The following CLMN variants were observed in gnomAD, a reference collection of about 807,000 sequenced individuals.
The protein encoded by CLMN is calmin (calponin-like, transmembrane).
In CLMN, 57 loss-of-function variants were observed where a neutral mutation model predicts 92.7. The observed-to-expected ratio is 0.61, with a 90% confidence interval of 0.50 to 0.77. The LOEUF (loss-of-function observed/expected upper bound fraction) is 0.77, where lower values mean the gene tolerates loss of function less well. Among genes scored for constraint, CLMN ranks in the 30% least tolerant of loss-of-function variants. The pLI, the probability that CLMN is intolerant of heterozygous loss-of-function variation, is 0.00. For missense variants in CLMN, 1,158 were observed against 1,237.5 expected, an observed-to-expected ratio of 0.94 and a Z score of 0.96; for synonymous variants, 466 against 470.6, an observed-to-expected ratio of 0.99 and a Z score of 0.13.
chr14:95,279,143 T>C (rs926038140), intron 1 of CLMN, among the ~76,000 whole-genome samples: 2 of 152,224 alleles, frequency 1.3e-5, no homozygotes, highest in Non-Finnish European at 2.9e-5. Flanking sequence ...TTAAATCAAA[T>C]ATTTTGTCAG....
chr14:95,268,168 A>C (rs952268760), intron 1 of CLMN, among the ~76,000 whole-genome samples: 2 of 152,160 alleles, frequency 1.3e-5, no homozygotes, highest in African/African-American at 4.8e-5. Context: ...GAAGAGAAAA[A>C]TTTGAAGCAC....
intron 2 of CLMN, among the ~76,000 whole-genome samples, chr14:95,226,986 C>T (rs1050401321): frequency 6.6e-6 from 1 of 152,210 alleles, no homozygotes; most frequent in African/African-American, 2.4e-5. Context: ...GCTGTCTCTG[C>T]TCCTGGGTAC....
intron 8 of CLMN, among the ~76,000 whole-genome samples, chr14:95,206,609 C>T (rs928490483): frequency 6.6e-6 from 1 of 152,326 alleles, no homozygotes; most frequent in Middle Eastern, 3.4e-3. Context: ...CAGTTCACTG[C>T]GTGTCTGGAT....
intron 6 of CLMN, 55 bp downstream of exon 6, chr14:95,213,164 T>C (rs1897245047): frequency 6.4e-7 from 1 of 1,557,686 alleles, no homozygotes; most frequent in Non-Finnish European, 8.8e-7. Flanking sequence ...TCCTTTCCTC[T>C]GCCTGAAAGC....
intron 9 of CLMN, 67 bp downstream of exon 9, chr14:95,202,771 C>A: frequency 6.9e-7 from 1 of 1,454,642 alleles, no homozygotes; most frequent in Non-Finnish European, 9.2e-7. Context: ...AGAAGCTGAG[C>A]TTCAGACAAA....
At chr14:95,311,510 C>G (rs532188179) in intron 1 of CLMN, among the ~76,000 whole-genome samples, 1 of 152,148 alleles carries the variant, frequency 6.6e-6, no homozygotes, top group African/African-American at 2.4e-5. Context: ...CAAATCCTAA[C>G]AACCCCAGGG....
intron 1 of CLMN, among the ~76,000 whole-genome samples, chr14:95,241,554 T>G (rs1304120891): frequency 5.9e-5 from 9 of 152,218 alleles, no homozygotes; most frequent in Non-Finnish European, 8.8e-5. Context: ...CTGAAGTTTC[T>G]ACCCTGAGCA....
At chr14:95,208,846 C>G (rs1185929141) in intron 8 of CLMN, among the ~76,000 whole-genome samples, 1 of 152,194 alleles carries the variant, frequency 6.6e-6, no homozygotes, top group Non-Finnish European at 1.5e-5. Flanking sequence ...CCTGCTCTGT[C>G]CTGCCTGGGA....
At chr14:95,289,303 C>T (rs896518059) in intron 1 of CLMN, among the ~76,000 whole-genome samples, 1 of 151,992 alleles carries the variant, frequency 6.6e-6, no homozygotes, top group African/African-American at 2.4e-5. Context: ...CCAGCCTGGG[C>T]AACATGGTGA....
chr14:95,213,944 G>A (rs1042815871), intron 5 of CLMN, among the ~76,000 whole-genome samples: 8 of 152,028 alleles, frequency 5.3e-5, no homozygotes, highest in Middle Eastern at 3.2e-3. Flanking sequence ...AGTAGGTTAC[G>A]TCTAACTTAG....
At chr14:95,193,773 A>AGTG in intron 12 of CLMN, 76 bp downstream of exon 12, 23 of 1,553,188 alleles carry the variant, frequency 1.5e-5, no homozygotes, top group Non-Finnish European at 1.8e-5. Flanking sequence ...GAGAATAACC[A>AGTG]CCCCTGTAAG....
chr14:95,297,769 G>A (rs183560556), intron 1 of CLMN, among the ~76,000 whole-genome samples: 102 of 151,460 alleles, frequency 6.7e-4, no homozygotes, highest in Admixed American at 1.1e-3. Context: ...GTACAGGGAC[G>A]TTTGGACTGT....
chr14:95,272,624 G>GT (rs1899757794), intron 1 of CLMN, among the ~76,000 whole-genome samples: 1 of 152,218 alleles, frequency 6.6e-6, no homozygotes, highest in Admixed American at 6.5e-5. Flanking sequence ...GCCATATGTT[G>GT]TGAGTGCTTC....
chr14:95,315,189 G>C (rs942380506), intron 1 of CLMN, among the ~76,000 whole-genome samples: 5 of 152,216 alleles, frequency 3.3e-5, no homozygotes, highest in Non-Finnish European at 7.3e-5. Flanking sequence ...GGGAGAGAAG[G>C]TTGGTGTGGC....
intron 1 of CLMN, among the ~76,000 whole-genome samples, chr14:95,246,370 G>A (rs1898570893): frequency 6.6e-6 from 1 of 152,188 alleles, no homozygotes; most frequent in Admixed American, 6.5e-5. Flanking sequence ...AAAGGTTCTT[G>A]TCCATCTTTC....
chr14:95,191,050 A>G lies in CLMN; in HGVS notation c.*514T>C, dbSNP rs1383524870. On this transcript the variant is annotated 3_prime_UTR_variant, in exon 13 of 13. Coordinates refer to ENST00000298912, the MANE Select transcript of CLMN (RefSeq NM_024734.4). The surrounding 1 kb of genome is among the most constrained non-coding windows in gnomAD (Gnocchi z 5.3). Reference sequence around the variant, plus strand: ...TTTCCCCTAGTGAATGCAACCAGTTACCGGACTGCGACAGGTGCATGGACC... The same window carrying G: ...TTTCCCCTAGTGAATGCAACCAGTTGCCGGACTGCGACAGGTGCATGGACC... 6.6e-6 allele frequency: 1 copy of G among 152,376 alleles called. No individual in the cohort carries two copies. The highest frequency in any genetic ancestry group is 2.4e-5 in the African/African-American group (1 of 41,448). The allele number at this position is 152,376 out of a possible 1,614,324, so 9.4% of individuals were successfully genotyped here. A position where few individuals can be genotyped will look rare whatever the true frequency, so the allele number is the denominator to read the frequency against.
chr14:95,230,251 G>T lies in CLMN; in HGVS notation c.83-118C>A. ...CAGACAGAACCCCAGGGTGTCCCATGTAAGAACAGAGGCCTTTCTGGAAGG... is the reference window on the plus strand; with the variant it reads ...CAGACAGAACCCCAGGGTGTCCCATTTAAGAACAGAGGCCTTTCTGGAAGG... On this transcript the variant is annotated intron_variant, in intron 1 of 12. Transcript: ENST00000298912. The T allele has an allele frequency of 3.2e-6, 3 of 926,602 alleles. No homozygotes were observed. The South Asian group carries it at 4.1e-5, about 13-fold the overall frequency. 57.4% of individuals were successfully genotyped at this position (926,602 alleles called of 1,614,324 possible).
At chr14:95,316,830 C>A (rs965546314) in intron 1 of CLMN, among the ~76,000 whole-genome samples, 1 of 152,196 alleles carries the variant, frequency 6.6e-6, no homozygotes. Context: ...CCAAGAGAGT[C>A]AAAGCTTTCT....
chr14:95,263,941 C>T (rs1316186148), intron 1 of CLMN, among the ~76,000 whole-genome samples: 5 of 152,112 alleles, frequency 3.3e-5, no homozygotes, highest in Admixed American at 1.3e-4. Flanking sequence ...CCTCTGAGTC[C>T]GGATTCATGA....
Sources: gnomAD v4.1 joint callset for allele counts (sites outside exome capture counted in the v4.1 genomes callset) on GRCh38, gnomAD v4.1.1 for gene constraint, Gnocchi (gnomAD v3.1) non-coding constraint, MANE v1.5 for transcripts, NCBI Gene and HGNC (gene_info 2026-07-23, HGNC 2026-07-21) for gene names.